DEPTOR: variants seen among roughly 807,000 people sequenced by gnomAD.
DEPTOR encodes the protein DEP domain-containing mTOR-interacting protein.
A neutral mutation model predicts 41.6 loss-of-function variants in DEPTOR; 41 were observed. That is an observed-to-expected ratio of 0.98 (90% confidence interval 0.77 to 1.28). The LOEUF is 1.28. Among genes scored for constraint, DEPTOR ranks in the 50% most tolerant of loss-of-function variants. DEPTOR has a pLI of 0.00. For synonymous variants in DEPTOR, 195 were observed against 192.3 expected (o/e 1.01, Z -0.12); for missense variants, 514 against 527.9 (o/e 0.97, Z 0.26).
intron 3 of DEPTOR, among the ~76,000 whole-genome samples, chr8:119,933,918 C>T (rs1828077139): frequency 6.6e-6 from 1 of 152,054 alleles, no homozygotes; most frequent in Admixed American, 6.6e-5. Context: ...CTCACTCTAT[C>T]ACCCAGGCTG....
intron 1 of DEPTOR, among the ~76,000 whole-genome samples, chr8:119,890,354 G>A (rs1258219025): frequency 6.6e-6 from 1 of 151,988 alleles, no homozygotes; most frequent in African/African-American, 2.4e-5. Context: ...CCAGGCTGGA[G>A]TGCAGTGGCA....
chr8:120,014,385 GCT>G (rs1433837468), intron 8 of DEPTOR, among the ~76,000 whole-genome samples: 1 of 152,134 alleles, frequency 6.6e-6, no homozygotes, highest in Non-Finnish European at 1.5e-5. Context: ...GCCGTGCAAG[GCT>G]CTTTCGCTAC....
chr8:119,995,962 A>G (rs1352131960), intron 4 of DEPTOR, among the ~76,000 whole-genome samples: 1 of 152,226 alleles, frequency 6.6e-6, no homozygotes, highest in Non-Finnish European at 1.5e-5. Flanking sequence ...TGTGAAACTC[A>G]ATGTTTATGT....
intron 1 of DEPTOR, among the ~76,000 whole-genome samples, chr8:119,920,708 T>C (rs1265764612): frequency 1.3e-5 from 2 of 152,244 alleles, no homozygotes; most frequent in East Asian, 3.9e-4. Flanking sequence ...CCTTAGCTCC[T>C]GGGTAGGTGA....
At chr8:119,956,335 C>A (rs1005365541) in intron 3 of DEPTOR, among the ~76,000 whole-genome samples, 2 of 152,170 alleles carry the variant, frequency 1.3e-5, no homozygotes. Context: ...AATAAGGAAG[C>A]GCTAAGGCTG....
intron 4 of DEPTOR, among the ~76,000 whole-genome samples, chr8:119,983,724 T>G (rs1307516866): frequency 6.6e-6 from 1 of 151,872 alleles, no homozygotes; most frequent in African/African-American, 2.4e-5. Flanking sequence ...TATTCTAAAA[T>G]GTAAAGTTTA....
intron 8 of DEPTOR, among the ~76,000 whole-genome samples, chr8:120,034,264 T>TACACACACACAC (rs71571645): frequency 0.011 from 1,659 of 145,346 alleles, 27 homozygotes; most frequent in African/African-American, 0.034. Flanking sequence ...GCAAAGCATG[T>TACACACACACAC]ACACACACAC....
chr8:120,003,001 T>C lies in DEPTOR; in HGVS notation c.815T>C (p.Ile272Thr). Residue 272 changes from isoleucine to threonine, a missense_variant, in exon 6 of 9, where the codon ATC becomes ACC. Physicochemically the swap from Ile to Thr is moderately conservative, Grantham distance 89. Coordinates refer to ENST00000286234, the MANE Select transcript of DEPTOR (RefSeq NM_022783.4). ...MSVSPSKEIK[I>T]VSAVRRSSMS... ...GTGAGCCCCAGCAAGGAGATCAAGATCGTGTCTGCAGTGAGGAGAAGCAGC... is the reference window on the plus strand; with the variant it reads ...GTGAGCCCCAGCAAGGAGATCAAGACCGTGTCTGCAGTGAGGAGAAGCAGC... The C allele has an allele frequency of 6.3e-7, 1 of 1,585,558 alleles. No individual in the cohort carries two copies. Among genetic ancestry groups the C allele is most frequent in the Admixed American group, 1.8e-5 (1 of 55,138 alleles).
intron 4 of DEPTOR, among the ~76,000 whole-genome samples, chr8:119,977,349 G>A (rs1453687935): frequency 6.6e-6 from 1 of 151,696 alleles, no homozygotes; most frequent in Non-Finnish European, 1.5e-5. Context: ...TTTGCAACTG[G>A]TATAATCATT....
intron 3 of DEPTOR, among the ~76,000 whole-genome samples, chr8:119,953,228 A>T (rs2129931867): frequency 6.6e-6 from 1 of 152,306 alleles, no homozygotes; most frequent in South Asian, 2.1e-4. Context: ...AGACCCAAAG[A>T]TACAGGGGAA....
At chr8:120,000,905 C>T (rs1384220193) in intron 4 of DEPTOR, among the ~76,000 whole-genome samples, 2 of 151,622 alleles carry the variant, frequency 1.3e-5, no homozygotes, top group Admixed American at 6.6e-5. Context: ...TGGTGCAACC[C>T]CGTCTCTACG....
chr8:119,963,330 G>C (rs1192925429), intron 3 of DEPTOR, among the ~76,000 whole-genome samples: 9 of 152,038 alleles, frequency 5.9e-5, no homozygotes, highest in Admixed American at 3.3e-4. Flanking sequence ...GCAGTGGTCA[G>C]TACCTTCTAC....
intron 4 of DEPTOR, among the ~76,000 whole-genome samples, chr8:119,998,584 A>T (rs1230012333): frequency 1.3e-5 from 2 of 152,144 alleles, no homozygotes; most frequent in Non-Finnish European, 2.9e-5. Context: ...GACAGAAATG[A>T]TCCAGGAACA....
rs143987639 is a variant in DEPTOR, at chr8:119,980,587, G to A, written c.604+15177G>A. Among the ~76,000 whole-genome samples the A allele has an allele frequency of 3.2e-3, 470 of 147,806 alleles. 3 individuals are homozygous for A. Among genetic ancestry groups the A allele is most frequent in the African/African-American group, 0.011 (444 of 39,916 alleles). On this transcript the variant is annotated intron_variant, in intron 4 of 8. Transcript: ENST00000286234. Reference sequence around the variant, plus strand: ...GGCTGGAGTGCAATGGTACAATCTCGGCTCACTGCAACCTCCGCCTCCTGT... The same window carrying A: ...GGCTGGAGTGCAATGGTACAATCTCAGCTCACTGCAACCTCCGCCTCCTGT...
At chr8:119,892,692 A>G (rs547004888) in intron 1 of DEPTOR, among the ~76,000 whole-genome samples, 1 of 152,320 alleles carries the variant, frequency 6.6e-6, no homozygotes, top group South Asian at 2.1e-4. Flanking sequence ...TGGAGCCAAC[A>G]CATTTGTCTA....
intron 1 of DEPTOR, among the ~76,000 whole-genome samples, chr8:119,902,884 T>C (rs1157499978): frequency 6.6e-6 from 1 of 151,872 alleles, no homozygotes; most frequent in East Asian, 1.9e-4. Context: ...TTGAGGGTCG[T>C]GCCACTTTGG....
chr8:119,903,731 A>T (rs1827624792), intron 1 of DEPTOR, among the ~76,000 whole-genome samples: 1 of 152,164 alleles, frequency 6.6e-6, no homozygotes, highest in Non-Finnish European at 1.5e-5. Context: ...TAACCTACAG[A>T]GACTGAGCAG....
intron 8 of DEPTOR, among the ~76,000 whole-genome samples, chr8:120,048,320 A>G (rs539852333): frequency 1.3e-5 from 2 of 152,334 alleles, no homozygotes; most frequent in East Asian, 3.9e-4. Context: ...TGCAGCAGAA[A>G]AAAACAAAGC....
intron 1 of DEPTOR, among the ~76,000 whole-genome samples, chr8:119,915,435 G>A (rs764186791): frequency 1.3e-5 from 2 of 152,088 alleles, no homozygotes; most frequent in Non-Finnish European, 2.9e-5. Context: ...TATAATCTGG[G>A]TGTTTCCAGA....
Sources: gnomAD v4.1 joint callset for allele counts (sites outside exome capture counted in the v4.1 genomes callset) on GRCh38, gnomAD v4.1.1 for gene constraint, MANE v1.5 for transcripts, NCBI Gene and HGNC (gene_info 2026-07-23, HGNC 2026-07-21) for gene names.